Variants in PRKAR2B observed in about 807,000 individuals in gnomAD.
PRKAR2B encodes the protein cAMP-dependent protein kinase type II-beta regulatory subunit.
Under a neutral mutation model 49.9 loss-of-function variants are expected in PRKAR2B, and 14 were observed. The ratio of observed to expected loss-of-function variants is 0.28; its 90% CI spans 0.19 to 0.44. The LOEUF (loss-of-function observed/expected upper bound fraction) is 0.44, where lower values mean the gene tolerates loss of function less well. PRKAR2B is among the 20% of genes least tolerant of loss of function. The pLI is 1.00. For synonymous variants in PRKAR2B, 196 were observed against 197.7 expected, an observed-to-expected ratio of 0.99 and a Z score of 0.07; for missense variants, 393 against 537.9, an observed-to-expected ratio of 0.73 and a Z score of 2.67.
At chr7:107,133,931 T>G (rs1795647996) in intron 4 of PRKAR2B, among the ~76,000 whole-genome samples, 2 of 152,244 alleles carry the variant, frequency 1.3e-5, no homozygotes, top group Non-Finnish European at 2.9e-5. Flanking sequence ...TAGTACTATC[T>G]TGTATATTTT....
At chr7:107,148,854 A>G (rs1325049892) in intron 6 of PRKAR2B, among the ~76,000 whole-genome samples, 1 of 152,202 alleles carries the variant, frequency 6.6e-6, no homozygotes, top group African/African-American at 2.4e-5. Context: ...TGGAAAGGTG[A>G]TTTTTGAAAT....
chr7:107,146,506 A>G, intron 6 of PRKAR2B, 45 bp downstream of exon 6: 2 of 1,577,146 alleles, frequency 1.3e-6, no homozygotes, highest in Non-Finnish European at 1.7e-6. Flanking sequence ...ATTTGTAGCA[A>G]TTGCTATGAC....
chr7:107,142,802 G>T (rs546500734), intron 5 of PRKAR2B, among the ~76,000 whole-genome samples: 1 of 151,428 alleles, frequency 6.6e-6, no homozygotes, highest in Non-Finnish European at 1.5e-5. Context: ...TTGCTCTGTT[G>T]CCCAGGCTGG....
At chr7:107,065,841 A>G (rs1294402158) in intron 1 of PRKAR2B, among the ~76,000 whole-genome samples, 1 of 152,146 alleles carries the variant, frequency 6.6e-6, no homozygotes, top group Non-Finnish European at 1.5e-5. Context: ...GGCCTGGTGC[A>G]GAACTCCGTC....
At chr7:107,122,038 T>C in intron 3 of PRKAR2B, 34 bp downstream of exon 3, 1 of 1,396,732 alleles carries the variant, frequency 7.2e-7, no homozygotes, top group Non-Finnish European at 9.9e-7. Flanking sequence ...AATTTTAAAT[T>C]GATGCCCTTG....
At chr7:107,147,883 T>C (rs1310082986) in intron 6 of PRKAR2B, among the ~76,000 whole-genome samples, 1 of 152,236 alleles carries the variant, frequency 6.6e-6, no homozygotes, top group Non-Finnish European at 1.5e-5. Context: ...TATAGCATTG[T>C]GGAAGTCACA....
intron 1 of PRKAR2B, among the ~76,000 whole-genome samples, chr7:107,053,922 G>A (rs966837574): frequency 2.0e-5 from 3 of 152,188 alleles, no homozygotes; most frequent in Non-Finnish European, 2.9e-5. Flanking sequence ...TTTGTTAGGA[G>A]AGAGATCGTT....
At chr7:107,055,015 A>G (rs574068475) in intron 1 of PRKAR2B, among the ~76,000 whole-genome samples, 2 of 150,032 alleles carry the variant, frequency 1.3e-5, no homozygotes, top group African/African-American at 4.9e-5. Flanking sequence ...TCCTGTGTCC[A>G]TGTGTTCTCA....
intron 2 of PRKAR2B, among the ~76,000 whole-genome samples, chr7:107,096,846 C>G (rs1415052739): frequency 6.6e-6 from 1 of 152,182 alleles, no homozygotes; most frequent in African/African-American, 2.4e-5. Flanking sequence ...ATCCTGAATT[C>G]TAGTTTGATT....
At position 107,076,265 on chromosome 7, in the gene PRKAR2B, G is replaced by A. The variant is rs576720037; in HGVS notation, c.343+5949G>A. 3.3e-5 allele frequency among the ~76,000 whole-genome samples: 5 copies of A among 152,186 alleles called. No homozygotes were observed. The South Asian group carries it at 1.0e-3, about 32-fold the overall frequency. The stretch of plus-strand genomic sequence containing the variant: ...TATAACACTGAAGGAATTTAACATC[G>A]ATACGATACTATTATCTCATACAGA... On this transcript the variant is annotated intron_variant, in intron 2 of 10. Transcript: ENST00000265717.
intron 4 of PRKAR2B, among the ~76,000 whole-genome samples, chr7:107,138,741 TGGTGC>T (rs1473427749): frequency 6.6e-6 from 1 of 152,082 alleles, no homozygotes; most frequent in East Asian, 1.9e-4. Context: ...TGGAGCGCAG[TGGTGC>T]GATCATGGCT....
At position 107,108,085 on chromosome 7, in the gene PRKAR2B, C is replaced by T. The variant is rs537651682; in HGVS notation, c.344-13867C>T. Among the ~76,000 whole-genome samples, 3 of 152,234 alleles carry T rather than the reference C, an allele frequency of 2.0e-5. No homozygotes were observed. The East Asian group carries it at 5.8e-4, about 29-fold the overall frequency. On this transcript the variant is annotated intron_variant, in intron 2 of 10. Transcript: ENST00000265717. ...TGATCAGTATGACAAAGACCAACAA[C>T]CCTAACAGGGTGCCAAATGCTGAAA...
At chr7:107,097,197 T>C (rs1467208481) in intron 2 of PRKAR2B, among the ~76,000 whole-genome samples, 1 of 152,236 alleles carries the variant, frequency 6.6e-6, no homozygotes, top group Non-Finnish European at 1.5e-5. Flanking sequence ...GGTGCTCCTG[T>C]ATTGGGTGCA....
chr7:107,092,453 T>A (rs1794748912), intron 2 of PRKAR2B, among the ~76,000 whole-genome samples: 1 of 152,048 alleles, frequency 6.6e-6, no homozygotes, highest in Non-Finnish European at 1.5e-5. Context: ...GATAGCGGTG[T>A]TTAAGGATTA....
chr7:107,141,308 C>A (rs1417897517), intron 5 of PRKAR2B, among the ~76,000 whole-genome samples: 1 of 152,182 alleles, frequency 6.6e-6, no homozygotes, highest in Non-Finnish European at 1.5e-5. Flanking sequence ...AATATAACAT[C>A]TGAGATATTA....
intron 6 of PRKAR2B, among the ~76,000 whole-genome samples, chr7:107,147,280 C>T (rs1795910600): frequency 6.6e-6 from 1 of 152,124 alleles, no homozygotes; most frequent in African/African-American, 2.4e-5. Context: ...CCACTGCACT[C>T]CAGCCTGGGC....
chr7:107,093,118 T>A (rs938457081), intron 2 of PRKAR2B, among the ~76,000 whole-genome samples: 3 of 152,230 alleles, frequency 2.0e-5, no homozygotes, highest in Admixed American at 1.3e-4. Flanking sequence ...TATTCATTCA[T>A]CTGTTGATGG....
At chr7:107,049,034 G>A (rs140528442) in intron 1 of PRKAR2B, among the ~76,000 whole-genome samples, 13 of 152,256 alleles carry the variant, frequency 8.5e-5, no homozygotes, top group Non-Finnish European at 1.2e-4. Flanking sequence ...AGCATCCCTA[G>A]GCCTTGAATT....
At chr7:107,049,919 G>A (rs1341013252) in intron 1 of PRKAR2B, among the ~76,000 whole-genome samples, 1 of 152,090 alleles carries the variant, frequency 6.6e-6, no homozygotes, top group Non-Finnish European at 1.5e-5. Flanking sequence ...CATTATTTTA[G>A]TTATGAGCAT....
Sources: gnomAD v4.1 joint callset for allele counts (sites outside exome capture counted in the v4.1 genomes callset) on GRCh38, gnomAD v4.1.1 for gene constraint, MANE v1.5 for transcripts, NCBI Gene and HGNC (gene_info 2026-07-23, HGNC 2026-07-21) for gene names.